The following NR3C2 variants were observed in gnomAD, a reference collection of about 807,000 sequenced individuals.
The protein encoded by NR3C2 is nuclear receptor subfamily 3 group C member 2.
NR3C2 carries 15 observed loss-of-function variants against 86.4 expected under a neutral mutation model. That is an observed-to-expected ratio of 0.17 (90% CI 0.12 to 0.27). NR3C2 has a LOEUF of 0.27. Among genes scored for constraint, NR3C2 ranks in the 10% least tolerant of loss-of-function variants. The pLI, the probability that NR3C2 is intolerant of heterozygous loss-of-function variation, is 1.00. For synonymous variants in NR3C2, 458 were observed against 450.5 expected, an observed-to-expected ratio of 1.02 and a Z score of -0.21; for missense variants, 960 against 1,195.6, an observed-to-expected ratio of 0.80 and a Z score of 2.91.
At chr4:148,439,107 A>G (rs1316714179) in intron 1 of NR3C2, among the ~76,000 whole-genome samples, 1 of 152,210 alleles carries the variant, frequency 6.6e-6, no homozygotes, top group Non-Finnish European at 1.5e-5. Context: ...GCTGATAGAA[A>G]ACTAAACTAA....
At chr4:148,175,309 G>A (rs1398635358) in intron 4 of NR3C2, among the ~76,000 whole-genome samples, 3 of 152,270 alleles carry the variant, frequency 2.0e-5, no homozygotes, top group African/African-American at 7.2e-5. Flanking sequence ...GTGCACAACA[G>A]AGACCTAGAA....
At chr4:148,233,625 GCTCAA>G (rs1247282057) in intron 3 of NR3C2, among the ~76,000 whole-genome samples, 1 of 152,108 alleles carries the variant, frequency 6.6e-6, no homozygotes, top group African/African-American at 2.4e-5. Flanking sequence ...CTCCCAAAGA[GCTCAA>G]CTCAATTGGG....
intron 3 of NR3C2, among the ~76,000 whole-genome samples, chr4:148,238,779 A>T (rs980062694): frequency 6.6e-6 from 1 of 152,166 alleles, no homozygotes; most frequent in African/African-American, 2.4e-5. Flanking sequence ...CTCTGCTTTC[A>T]GGGGTCTGGT....
rs528166027 is a variant in NR3C2, at chr4:148,259,879, C to A, written c.1897+99G>T. The A allele has an allele frequency of 5.0e-5, 74 of 1,467,272 alleles. No homozygotes were observed. The African/African-American group carries it at 8.3e-4, about 17-fold the overall frequency. The allele number at this position is 1,467,272 out of a possible 1,614,324, so 90.9% of individuals were successfully genotyped here. A position where few individuals can be genotyped will look rare whatever the true frequency, so the allele number is the denominator to read the frequency against. On this transcript the variant is annotated intron_variant, in intron 3 of 8. Coordinates refer to ENST00000358102, the MANE Select transcript of NR3C2 (RefSeq NM_000901.5). ...ATCACTGACAGATTAAATCAAAAAT[C>A]TTTTTGAAGAATTCCCAATAATGCT...
chr4:148,106,679 G>C (rs536700620), intron 8 of NR3C2, among the ~76,000 whole-genome samples: 2 of 152,100 alleles, frequency 1.3e-5, no homozygotes, highest in African/African-American at 4.8e-5. Flanking sequence ...TAGACCAATG[G>C]AACAGAACAG....
intron 3 of NR3C2, among the ~76,000 whole-genome samples, chr4:148,249,471 C>T (rs1409865578): frequency 1.3e-5 from 2 of 152,154 alleles, no homozygotes; most frequent in African/African-American, 4.8e-5. Flanking sequence ...ACCTTTCAAT[C>T]TTGTTGATAG....
chr4:148,324,629 A>G (rs1159331387), intron 2 of NR3C2, among the ~76,000 whole-genome samples: 1 of 152,194 alleles, frequency 6.6e-6, no homozygotes, highest in Non-Finnish European at 1.5e-5. Flanking sequence ...ACAGTTAATA[A>G]TACTGTATTA....
intron 4 of NR3C2, among the ~76,000 whole-genome samples, chr4:148,189,440 C>G (rs1288588208): frequency 6.6e-6 from 1 of 152,170 alleles, no homozygotes; most frequent in Non-Finnish European, 1.5e-5. Context: ...ATTCGGTTAG[C>G]TAGTATTTTG....
intron 2 of NR3C2, among the ~76,000 whole-genome samples, chr4:148,346,964 C>A (rs939750878): frequency 1.6e-4 from 24 of 151,978 alleles, no homozygotes; most frequent in African/African-American, 5.8e-4. Context: ...AGTGGTATGA[C>A]GAGGAAGAGC....
intron 2 of NR3C2, among the ~76,000 whole-genome samples, chr4:148,323,539 A>G (rs894703079): frequency 1.0e-3 from 118 of 115,512 alleles, no homozygotes; most frequent in African/African-American, 3.1e-3. Context: ...AGACTCCGTG[A>G]GTGTAGGACC....
chr4:148,205,259 T>G (rs1736944822), intron 3 of NR3C2, among the ~76,000 whole-genome samples: 1 of 152,250 alleles, frequency 6.6e-6, no homozygotes, highest in Admixed American at 6.5e-5. Context: ...TGAAATTATT[T>G]GATATGTGTT....
At chr4:148,316,929 G>A (rs1221709198) in intron 2 of NR3C2, among the ~76,000 whole-genome samples, 1 of 152,044 alleles carries the variant, frequency 6.6e-6, no homozygotes, top group African/African-American at 2.4e-5. Flanking sequence ...GGCCTCCTGA[G>A]TAGCTGGGAT....
chr4:148,226,413 T>A (rs759562371), intron 3 of NR3C2, among the ~76,000 whole-genome samples: 1 of 152,204 alleles, frequency 6.6e-6, no homozygotes, highest in Non-Finnish European at 1.5e-5. Context: ...GTTTTTAAGA[T>A]CTGGGTTGTA....
intron 3 of NR3C2, among the ~76,000 whole-genome samples, chr4:148,218,284 T>C (rs1031741767): frequency 2.6e-5 from 4 of 152,138 alleles, no homozygotes; most frequent in African/African-American, 4.8e-5. Flanking sequence ...CAGGAAAAAG[T>C]TGAAAACATA....
intron 4 of NR3C2, among the ~76,000 whole-genome samples, chr4:148,178,314 G>C (rs568038061): frequency 6.6e-6 from 1 of 151,886 alleles, no homozygotes; most frequent in African/African-American, 2.4e-5. Flanking sequence ...CTGGGCAACA[G>C]AGTGAGACTC....
chr4:148,281,245 C>A (rs1459844143), intron 2 of NR3C2, among the ~76,000 whole-genome samples: 3 of 152,208 alleles, frequency 2.0e-5, no homozygotes, highest in Non-Finnish European at 4.4e-5. Context: ...TAAGAGAAAG[C>A]ATATTTTATT....
rs1360216551 is a variant in NR3C2 at position 148,142,195 on chromosome 4, G to A, written c.2510+10274C>T. Among the ~76,000 whole-genome samples, 5 of 152,134 alleles carry A rather than the reference G, an allele frequency of 3.3e-5. No individual in the cohort carries two copies. The South Asian group carries it at 6.2e-4, about 19-fold the overall frequency. ...TTAGTTTATCAAGTGCTTAACTAAC[G>A]CCAGGCAGCATTTTAGGAGCTGGCA... On this transcript the variant is annotated intron_variant, in intron 6 of 8. Coordinates refer to ENST00000358102, the MANE Select transcript of NR3C2 (RefSeq NM_000901.5).
chr4:148,420,448 T>C (rs1749227348), intron 2 of NR3C2, among the ~76,000 whole-genome samples: 2 of 152,222 alleles, frequency 1.3e-5, no homozygotes, highest in African/African-American at 4.8e-5. Flanking sequence ...CATAATTTTA[T>C]TAACGAAATT....
At chr4:148,407,658 G>T (rs61756954) in intron 2 of NR3C2, among the ~76,000 whole-genome samples, 346 of 140,328 alleles carry the variant, frequency 2.5e-3, no homozygotes, top group Non-Finnish European at 4.1e-3. Context: ...GAATCTAAAT[G>T]AATGTAAATC....
Sources: allele counts gnomAD v4.1 joint callset (sites outside exome capture counted in the v4.1 genomes callset), GRCh38; gene constraint gnomAD v4.1.1; transcripts MANE v1.5; gene names NCBI Gene and HGNC (gene_info 2026-07-23, HGNC 2026-07-21).